The following TIAM1 variants were observed in gnomAD, a reference collection of about 807,000 sequenced individuals.
TIAM1 encodes TIAM Rac1 associated GEF 1.
A neutral mutation model predicts 163.5 loss-of-function variants in TIAM1; 65 were observed. That is an observed-to-expected ratio of 0.40 (90% CI 0.33 to 0.49). The LOEUF is 0.49. Ranked by LOEUF, TIAM1 falls within the 20% of genes least tolerant of loss-of-function variation. The pLI, the probability that TIAM1 is intolerant of heterozygous loss-of-function variation, is 0.77. For missense variants in TIAM1, 1,789 were observed against 2,044.7 expected (o/e 0.87, Z 2.41); for synonymous variants, 833 against 810.1 (o/e 1.03, Z -0.48).
chr21:31,369,487 G>C lies in TIAM1; in HGVS notation c.-368-30065C>G, dbSNP rs370384042. Among the ~76,000 whole-genome samples the C allele has an allele frequency of 4.6e-5, 7 of 152,164 alleles. No individual in the cohort carries two copies. In the East Asian group the frequency reaches 1.4e-3, roughly 30 times the overall value. ...CTAAATGGCAGGAATAAGTTCTAGA[G>C]ATCTATACCACTATAGGGTGACTAC... On this transcript the variant is annotated intron_variant, in intron 2 of 28. Coordinates refer to the TIAM1 transcript ENST00000286827.
At chr21:31,175,234 C>T (rs565033732) in intron 15 of TIAM1, among the ~76,000 whole-genome samples, 23 of 152,306 alleles carry the variant, frequency 1.5e-4, no homozygotes, top group African/African-American at 3.8e-4. Flanking sequence ...TGAGCCACAA[C>T]GAACGCTTGG....
chr21:31,537,363 G>A (rs2048170591), intron 1 of TIAM1, among the ~76,000 whole-genome samples: 1 of 151,494 alleles, frequency 6.6e-6, no homozygotes, highest in Admixed American at 6.6e-5. Flanking sequence ...CAGTAAAGAA[G>A]ATGTGCTATC....
intron 6 of TIAM1, among the ~76,000 whole-genome samples, chr21:31,226,952 G>GTTTTTT (rs35401090): frequency 2.7e-5 from 3 of 112,596 alleles, no homozygotes; most frequent in Admixed American, 9.7e-5. Flanking sequence ...AAAATTCTGT[G>GTTTTTT]TTTTTTTTTT....
chr21:31,471,027 G>A (rs2045720884), intron 1 of TIAM1, among the ~76,000 whole-genome samples: 1 of 152,204 alleles, frequency 6.6e-6, no homozygotes, highest in Non-Finnish European at 1.5e-5. Context: ...AGCCCAGCAG[G>A]TGTCGGATGC....
rs554148489 is a variant in TIAM1 at position 31,443,831 on chromosome 21, T to C, written c.-369+20152A>G. ...CTCAAATAAGCTCAGAGCATCCCTA[T>C]CCCTCCTGCAAATCCCTAAAAACTG... On this transcript the variant is annotated intron_variant, in intron 2 of 28. Transcript: ENST00000286827. Among the ~76,000 whole-genome samples, 36 of 152,242 alleles carry C rather than the reference T, an allele frequency of 2.4e-4. No individual in the cohort carries two copies. The South Asian group carries it at 4.1e-3, about 18-fold the overall frequency.
intron 2 of TIAM1, among the ~76,000 whole-genome samples, chr21:31,407,913 C>A (rs1298279647): frequency 6.6e-6 from 1 of 152,140 alleles, no homozygotes; most frequent in Non-Finnish European, 1.5e-5. Context: ...GCTAGGATAA[C>A]AGGCGTCAGC....
intron 1 of TIAM1, among the ~76,000 whole-genome samples, chr21:31,486,873 G>A (rs898591024): frequency 6.6e-6 from 1 of 152,236 alleles, no homozygotes; most frequent in African/African-American, 2.4e-5. Context: ...AGACCTTTCT[G>A]CTGTGTGGCC....
intron 1 of TIAM1, among the ~76,000 whole-genome samples, chr21:31,497,371 G>A (rs760667998): frequency 9.2e-5 from 14 of 152,260 alleles, no homozygotes; most frequent in Middle Eastern, 6.8e-3. Context: ...GTAAGGAAGC[G>A]TTATACTGAT....
intron 2 of TIAM1, among the ~76,000 whole-genome samples, chr21:31,434,040 C>A (rs2044129283): frequency 6.6e-6 from 1 of 152,112 alleles, no homozygotes; most frequent in Non-Finnish European, 1.5e-5. Flanking sequence ...TCAAGCGATC[C>A]ACCCACCTCG....
chr21:31,479,423 G>A (rs547782957), intron 1 of TIAM1, among the ~76,000 whole-genome samples: 4 of 148,974 alleles, frequency 2.7e-5, no homozygotes, highest in South Asian at 2.1e-4. Flanking sequence ...GCGGATGGAC[G>A]GACGGACGGA....
chr21:31,475,049 ATTATTATTATTAT>A (rs1197992957), intron 1 of TIAM1, among the ~76,000 whole-genome samples: 63 of 65,816 alleles, frequency 9.6e-4, no homozygotes, highest in African/African-American at 3.5e-3. Context: ...TATTATTATT[ATTATTATTATTAT>A]TTAGTTTTAG....
intron 2 of TIAM1, among the ~76,000 whole-genome samples, chr21:31,462,295 T>C (rs2045356618): frequency 6.6e-6 from 1 of 152,182 alleles, no homozygotes; most frequent in East Asian, 1.9e-4. Flanking sequence ...AACAGGCCCA[T>C]GGGCTGTGAT....
chr21:31,533,728 T>C (rs2048040351), intron 1 of TIAM1, among the ~76,000 whole-genome samples: 1 of 152,084 alleles, frequency 6.6e-6, no homozygotes, highest in Non-Finnish European at 1.5e-5. Flanking sequence ...CAAGACCCTG[T>C]CTCTAAAAAA....
chr21:31,449,746 G>A (rs1389594474), intron 2 of TIAM1, among the ~76,000 whole-genome samples: 3 of 152,144 alleles, frequency 2.0e-5, no homozygotes, highest in South Asian at 2.1e-4. Context: ...CACTTCCACA[G>A]AGAAATCTTC....
intron 16 of TIAM1, 79 bp from the exon 17 acceptor site, chr21:31,154,505 G>A (rs557894450): frequency 2.1e-6 from 3 of 1,456,126 alleles, no homozygotes; most frequent in Non-Finnish European, 2.8e-6. Flanking sequence ...CCGCCTAGAG[G>A]TGTTCTCCCT....
intron 2 of TIAM1, among the ~76,000 whole-genome samples, chr21:31,294,728 A>G (rs1011922341): frequency 6.6e-6 from 1 of 152,222 alleles, no homozygotes; most frequent in Non-Finnish European, 1.5e-5. Context: ...AGCATCCATG[A>G]GAAGAAGGAG....
chr21:31,294,918 C>T (rs558416031), intron 2 of TIAM1, among the ~76,000 whole-genome samples: 1 of 152,328 alleles, frequency 6.6e-6, no homozygotes, highest in Non-Finnish European at 1.5e-5. Context: ...GTTTCTCTCA[C>T]TCCGTCCCCA....
At chr21:31,136,426 G>A (rs992170544) in intron 22 of TIAM1, among the ~76,000 whole-genome samples, 1 of 151,594 alleles carries the variant, frequency 6.6e-6, no homozygotes, top group Non-Finnish European at 1.5e-5. Context: ...TTTCCAATGG[G>A]AAATAATAGT....
intron 1 of TIAM1, among the ~76,000 whole-genome samples, chr21:31,533,138 T>A (rs1446096568): frequency 6.6e-6 from 1 of 152,064 alleles, no homozygotes; most frequent in Admixed American, 6.6e-5. Context: ...CTGGCCAACA[T>A]GGTGAAACCC....
Sources: allele counts gnomAD v4.1 joint callset (sites outside exome capture counted in the v4.1 genomes callset), GRCh38; gene constraint gnomAD v4.1.1; transcripts MANE v1.5; gene names NCBI Gene and HGNC (gene_info 2026-07-23, HGNC 2026-07-21).